Variants in DLGAP1 observed in about 807,000 individuals in gnomAD.
The protein encoded by DLGAP1 is DLG associated protein 1.
DLGAP1 carries 11 observed loss-of-function variants against 90.8 expected under a neutral mutation model. That is an observed-to-expected ratio of 0.12 (90% CI 0.08 to 0.20). The LOEUF (loss-of-function observed/expected upper bound fraction) is 0.20, where lower values mean the gene tolerates loss of function less well. DLGAP1 is among the 10% of genes least tolerant of loss of function. The probability of loss-of-function intolerance (pLI) is 1.00; values close to 1 mark genes in which losing one functional copy is unlikely to be tolerated. For missense variants in DLGAP1, 1,050 were observed against 1,333.8 expected (o/e 0.79, Z 3.31); for synonymous variants, 558 against 540.7 (o/e 1.03, Z -0.44).
At chr18:4,086,382 C>T (rs974597675) in intron 2 of DLGAP1, among the ~76,000 whole-genome samples, 6 of 152,148 alleles carry the variant, frequency 3.9e-5, no homozygotes, top group Admixed American at 2.0e-4. Context: ...GGCATTATTA[C>T]TAATTACTTT....
At chr18:3,834,664 C>T (rs963359409) in intron 4 of DLGAP1, among the ~76,000 whole-genome samples, 7 of 151,964 alleles carry the variant, frequency 4.6e-5, no homozygotes, top group Admixed American at 6.6e-5. Flanking sequence ...TAGCAGAAGG[C>T]GAATGTTAAA....
chr18:4,175,214 T>A (rs1422438156), intron 1 of DLGAP1, among the ~76,000 whole-genome samples: 1 of 152,210 alleles, frequency 6.6e-6, no homozygotes, highest in Non-Finnish European at 1.5e-5. Context: ...GCACACAATG[T>A]CTTCTTTTGA....
chr18:3,509,167 C>T (rs1490827613), intron 10 of DLGAP1, among the ~76,000 whole-genome samples: 1 of 152,086 alleles, frequency 6.6e-6, no homozygotes, highest in Non-Finnish European at 1.5e-5. Flanking sequence ...ATCCCATCCA[C>T]ATCCTTTCTT....
At chr18:4,177,351 AACACAC>A (rs34299932) in intron 1 of DLGAP1, among the ~76,000 whole-genome samples, 5,519 of 141,598 alleles carry the variant, frequency 0.039, 181 homozygotes, top group East Asian at 0.096. Flanking sequence ...ACTTTCTTTG[AACACAC>A]ACACACACAC....
At chr18:3,968,940 T>A (rs2073387726) in intron 3 of DLGAP1, among the ~76,000 whole-genome samples, 1 of 151,966 alleles carries the variant, frequency 6.6e-6, no homozygotes, top group South Asian at 2.1e-4. Context: ...TGAAGAAAAA[T>A]GACACGGCAT....
chr18:4,108,715 C>T (rs930253680), intron 2 of DLGAP1, among the ~76,000 whole-genome samples: 6 of 152,158 alleles, frequency 3.9e-5, no homozygotes, highest in African/African-American at 1.4e-4. Flanking sequence ...CTTTAGGCAG[C>T]ATTTAATAAA....
intron 1 of DLGAP1, among the ~76,000 whole-genome samples, chr18:4,367,620 C>T (rs1052029421): frequency 5.9e-5 from 9 of 152,136 alleles, no homozygotes; most frequent in African/African-American, 1.4e-4. Flanking sequence ...GAGGCCGAGG[C>T]GGTTGGATCA....
At chr18:3,589,586 G>C (rs2056114158) in intron 7 of DLGAP1, among the ~76,000 whole-genome samples, 1 of 152,022 alleles carries the variant, frequency 6.6e-6, no homozygotes, top group Admixed American at 6.6e-5. Context: ...ATTATATATA[G>C]ATATATATGC....
chr18:3,752,153 A>G (rs2063525386), intron 5 of DLGAP1, among the ~76,000 whole-genome samples: 1 of 151,934 alleles, frequency 6.6e-6, no homozygotes, highest in African/African-American at 2.4e-5. Context: ...CAAAGGGTTG[A>G]GGTTACAGGT....
At chr18:3,793,430 C>T (rs903724055) in intron 5 of DLGAP1, among the ~76,000 whole-genome samples, 5 of 152,228 alleles carry the variant, frequency 3.3e-5, no homozygotes, top group African/African-American at 7.2e-5. Context: ...GCTGCTCCTC[C>T]ACCCAAGGCT....
rs779229168 is a variant in DLGAP1, at chr18:3,879,701, T to C, written c.368A>G (p.Tyr123Cys). The change falls in exon 4 of 13, where the codon TAC becomes TGC. Residue 123 changes from tyrosine to cysteine, a missense_variant. By Grantham distance (194) the Tyr-to-Cys change is radical (BLOSUM62 -2). Coordinates refer to ENST00000315677, the MANE Select transcript of DLGAP1 (RefSeq NM_004746.4). The surrounding 1 kb of genome is among the most constrained non-coding windows in gnomAD (Gnocchi z 6.6). Reference sequence around the variant, plus strand: ...GCGGTGCTCCACGGCCGTGCGCTTGTACTGCAGGGTGTGATAGCCATCGCG... The same window carrying C: ...GCGGTGCTCCACGGCCGTGCGCTTGCACTGCAGGGTGTGATAGCCATCGCG... ...LSRDGYHTLQ[Y>C]KRTAVEHRSD... 3.1e-6 allele frequency: 5 copies of C among 1,608,344 alleles called. No individual in the cohort carries two copies. Among genetic ancestry groups the C allele is most frequent in the Non-Finnish European group, 4.2e-6 (5 of 1,179,842 alleles).
At chr18:3,623,901 T>C (rs1177201434) in intron 7 of DLGAP1, among the ~76,000 whole-genome samples, 1 of 152,094 alleles carries the variant, frequency 6.6e-6, no homozygotes, top group East Asian at 1.9e-4. Flanking sequence ...CCCGTGCGGA[T>C]GCCCGTTTCC....
chr18:4,425,144 A>C (rs770669299), intron 1 of DLGAP1, among the ~76,000 whole-genome samples: 1 of 152,116 alleles, frequency 6.6e-6, no homozygotes, highest in Non-Finnish European at 1.5e-5. Flanking sequence ...AAAATCTAGA[A>C]AAAATATTTC....
At chr18:4,388,867 T>C (rs2082287076) in intron 1 of DLGAP1, among the ~76,000 whole-genome samples, 2 of 152,112 alleles carry the variant, frequency 1.3e-5, no homozygotes, top group South Asian at 4.1e-4. Flanking sequence ...GAAAATAATG[T>C]CAGTGAGGAT....
intron 4 of DLGAP1, among the ~76,000 whole-genome samples, chr18:3,822,163 T>C: frequency 6.6e-6 from 1 of 152,108 alleles, no homozygotes; most frequent in Non-Finnish European, 1.5e-5. Context: ...AGCCCGAAAT[T>C]GGTGGAAAAC....
chr18:3,605,753 C>A (rs1463863377), intron 7 of DLGAP1, among the ~76,000 whole-genome samples: 2 of 152,164 alleles, frequency 1.3e-5, no homozygotes, highest in East Asian at 3.9e-4. Context: ...CTACTCTGAC[C>A]CTCTAACTTG....
At chr18:4,128,876 C>T (rs1435681794) in intron 2 of DLGAP1, among the ~76,000 whole-genome samples, 1 of 152,158 alleles carries the variant, frequency 6.6e-6, no homozygotes, top group East Asian at 1.9e-4. Flanking sequence ...GACTGAACAA[C>T]TAACTGCTGG....
At chr18:4,371,227 GAATATA>G (rs1263902631) in intron 1 of DLGAP1, among the ~76,000 whole-genome samples, 1 of 152,070 alleles carries the variant, frequency 6.6e-6, no homozygotes, top group Non-Finnish European at 1.5e-5. Flanking sequence ...ACAGACAAAT[GAATATA>G]AATAAATAAA....
intron 1 of DLGAP1, among the ~76,000 whole-genome samples, chr18:4,306,299 CAGAA>C (rs1413908628): frequency 6.6e-6 from 1 of 151,880 alleles, no homozygotes; most frequent in African/African-American, 2.4e-5. Context: ...GAGGGACTGA[CAGAA>C]AGCTTATATT....
Sources: allele counts gnomAD v4.1 joint callset (sites outside exome capture counted in the v4.1 genomes callset), GRCh38; gene constraint gnomAD v4.1.1; non-coding constraint Gnocchi (gnomAD v3.1); transcripts MANE v1.5; gene names NCBI Gene and HGNC (gene_info 2026-07-23, HGNC 2026-07-21).